REXO5: variants seen among roughly 807,000 people sequenced by gnomAD.
REXO5 encodes RNA exonuclease 5, also known as exonuclease NEF-sp.
In REXO5, 48 loss-of-function variants were observed where a neutral mutation model predicts 88.5. The ratio of observed to expected loss-of-function variants is 0.54; its 90% CI spans 0.43 to 0.69. The LOEUF is 0.69. Among genes scored for constraint, REXO5 ranks in the 30% least tolerant of loss-of-function variants. REXO5 has a pLI of 0.00. For synonymous variants in REXO5, 311 were observed against 336.5 expected (o/e 0.92, Z 0.83); for missense variants, 749 against 912.2 (o/e 0.82, Z 2.30).
chr16:20,827,874 T>G (rs2152505650), intron 10 of REXO5, among the ~76,000 whole-genome samples: 1 of 152,338 alleles, frequency 6.6e-6, no homozygotes, highest in Non-Finnish European at 1.5e-5. Flanking sequence ...AATATTTTGT[T>G]GTTCAGAAGA....
chr16:20,827,307 T>C (rs2081274385), intron 9 of REXO5, 46 bp from the exon 10 acceptor site: 10 of 1,601,388 alleles, frequency 6.2e-6, no homozygotes, highest in Non-Finnish European at 8.5e-6. Context: ...ACTTGTTTTT[T>C]CCTTTAGCAT....
chr16:20,823,465 A>C (rs2081216419), intron 6 of REXO5: 2 of 152,142 alleles, frequency 1.3e-5, no homozygotes, highest in Admixed American at 1.3e-4. Flanking sequence ...TTGAGGTTGC[A>C]CTACTGTCAC....
chr16:20,825,114 C>T (rs1041663670), intron 7 of REXO5, among the ~76,000 whole-genome samples: 1 of 152,108 alleles, frequency 6.6e-6, no homozygotes, highest in Non-Finnish European at 1.5e-5. Context: ...GTTGTTGCTG[C>T]CATGAGGACT....
chr16:20,842,546 C>T (rs1161475161), intron 15 of REXO5, among the ~76,000 whole-genome samples: 6 of 148,750 alleles, frequency 4.0e-5, no homozygotes, highest in Non-Finnish European at 7.4e-5. Flanking sequence ...GTGATCACAA[C>T]TAACTACAGC....
At chr16:20,822,938 C>CT (rs2081206618) in intron 6 of REXO5, among the ~76,000 whole-genome samples, 2 of 152,258 alleles carry the variant, frequency 1.3e-5, no homozygotes, top group East Asian at 3.9e-4. Context: ...TGTGACAACT[C>CT]TGTGTTTAAC....
Position 20,839,871 on chromosome 16 carries a change from G to T in REXO5, c.1488+12G>T, listed in dbSNP as rs377257110. ...AGATGAACAAAAGGGTAAGTGAATG[G>T]GTTCTGCTGAATGATTTATTTAGTG... On this transcript the variant is annotated intron_variant, in intron 14 of 19. Transcript: ENST00000261377. 1.3e-6 allele frequency: 2 copies of T among 1,507,984 alleles called. No individual in the cohort carries two copies. The highest frequency in any genetic ancestry group is 1.1e-5 in the South Asian group (1 of 87,630). 93.4% of individuals were successfully genotyped at this position (1,507,984 alleles called of 1,614,324 possible).
Position 20,849,458 on chromosome 16 carries a change from C to G in REXO5, c.2303C>G (p.Ala768Gly). Reference sequence around the variant, plus strand: ...GGAATAAAAGAGGAAGAAGAAAGCGCTGGCCCAGGCCTGTGTTCGTGAGTC... The same window carrying G: ...GGAATAAAAGAGGAAGAAGAAAGCGGTGGCCCAGGCCTGTGTTCGTGAGTC... ...LMGIKEEEES[A>G]GPGLCS Residue 768 changes from alanine (A) to glycine (G), a missense_variant, in exon 20 of 20, where the codon GCT becomes GGT. Physicochemically the swap from Ala to Gly is moderately conservative, Grantham distance 60. Coordinates refer to ENST00000261377, the MANE Select transcript of REXO5 (RefSeq NM_030941.3). 6.2e-7 allele frequency: 1 copy of G among 1,614,108 alleles called. No homozygotes were observed. Among genetic ancestry groups the G allele is most frequent in the Non-Finnish European group, 8.5e-7 (1 of 1,179,934 alleles).
At position 20,825,543 on chromosome 16, in the gene REXO5, G is replaced by A. The variant is rs368861446; in HGVS notation, c.706-290G>A. 202 of 258,718 alleles carry A rather than the reference G, an allele frequency of 7.8e-4. 5 individuals carry two copies. In the South Asian group the frequency reaches 0.024, roughly 31 times the overall value. 16.0% of individuals were successfully genotyped at this position (258,718 alleles called of 1,614,324 possible). A position where few individuals can be genotyped will look rare whatever the true frequency, so the allele number is the denominator to read the frequency against. On this transcript the variant is annotated intron_variant, in intron 7 of 19. Transcript: ENST00000261377. ...AAAAATTACCTATTAGTGGTATTTA[G>A]CATAATACTGGATATAGTACACACT...
At chr16:20,809,604 G>A (rs1285125084) in intron 2 of REXO5, among the ~76,000 whole-genome samples, 1 of 152,238 alleles carries the variant, frequency 6.6e-6, no homozygotes, top group African/African-American at 2.4e-5. Context: ...TATCACAGGA[G>A]TGATACTCTG....
At chr16:20,811,011 G>A (rs545109731) in intron 2 of REXO5, among the ~76,000 whole-genome samples, 1 of 152,266 alleles carries the variant, frequency 6.6e-6, no homozygotes, top group South Asian at 2.1e-4. Flanking sequence ...AATAGTTTCT[G>A]ACATCTGATG....
At chr16:20,833,723 T>TA (rs1225307488) in intron 13 of REXO5, among the ~76,000 whole-genome samples, 1 of 152,218 alleles carries the variant, frequency 6.6e-6, no homozygotes, top group East Asian at 1.9e-4. Flanking sequence ...TTCCTCTCTG[T>TA]ATGGCATTTC....
intron 5 of REXO5, among the ~76,000 whole-genome samples, chr16:20,820,512 T>TATATATATATATATA (rs2081153446): frequency 4.4e-5 from 2 of 45,700 alleles, no homozygotes; most frequent in African/African-American, 2.0e-4. Flanking sequence ...TTCTCTCTCT[T>TATATATATATATATA]TATATATATA....
chr16:20,848,875 T>G (rs988318011), intron 19 of REXO5, among the ~76,000 whole-genome samples: 12 of 152,256 alleles, frequency 7.9e-5, no homozygotes, highest in African/African-American at 2.9e-4. Context: ...CTAAGACTCT[T>G]TAACAGCAAC....
intron 11 of REXO5, among the ~76,000 whole-genome samples, chr16:20,829,921 T>G (rs1047583929): frequency 2.6e-5 from 4 of 152,236 alleles, no homozygotes; most frequent in African/African-American, 9.7e-5. Flanking sequence ...GATCATATTG[T>G]CTTTATTGCA....
rs1389790542 is a variant in REXO5 at position 20,807,014 on chromosome 16, G to A, written c.61G>A (p.Ala21Thr). Reference sequence around the variant, plus strand: ...CAGGAAGGTCAGGGAAAGCAGGCAGGCCCCAAATAAGCTGGTCGGGGCAGC... The same window carrying A: ...CAGGAAGGTCAGGGAAAGCAGGCAGACCCCAAATAAGCTGGTCGGGGCAGC... Reference protein sequence around the residue: ...HPRKVRESRQAPNKLVGAAEA... With the variant: ...HPRKVRESRQTPNKLVGAAEA... The change falls in exon 2 of 20, where the codon GCC (alanine) becomes ACC (threonine). Residue 21 changes from alanine (A) to threonine (T), a missense_variant. Ala to Thr is a moderately conservative substitution (Grantham distance 58). Transcript: ENST00000261377. The A allele has an allele frequency of 2.5e-6, 4 of 1,602,450 alleles. No individual in the cohort carries two copies. Among genetic ancestry groups the A allele is most frequent in the East Asian group, 2.2e-5 (1 of 44,516 alleles).
At position 20,807,109 on chromosome 16, in the gene REXO5, C is replaced by G; in HGVS notation, c.138+18C>G. 1.9e-6 allele frequency: 3 copies of G among 1,593,388 alleles called. No individual in the cohort carries two copies. The highest frequency in any genetic ancestry group is 2.6e-6 in the Non-Finnish European group (3 of 1,171,116). Reference sequence around the variant, plus strand: ...AGGCCAAGGTGAGCAACGGGGATCCCGAGCAGGCGGCCCTAGGCGGTTTGG... The same window carrying G: ...AGGCCAAGGTGAGCAACGGGGATCCGGAGCAGGCGGCCCTAGGCGGTTTGG... On this transcript the variant is annotated intron_variant, in intron 2 of 19. Coordinates refer to ENST00000261377, the MANE Select transcript of REXO5 (RefSeq NM_030941.3).
At chr16:20,849,210 T>C (rs563111621) in intron 19 of REXO5, among the ~76,000 whole-genome samples, 189 bp from the exon 20 acceptor site, 1 of 152,386 alleles carries the variant, frequency 6.6e-6, no homozygotes, top group South Asian at 2.1e-4. Context: ...GATTTGAATC[T>C]AGACCTCTGA....
At chr16:20,843,147 T>G (rs1261157282) in intron 15 of REXO5, among the ~76,000 whole-genome samples, 2 of 152,224 alleles carry the variant, frequency 1.3e-5, no homozygotes, top group African/African-American at 4.8e-5. Flanking sequence ...TCTATTCACT[T>G]GTTTGCCCTT....
chr16:20,807,853 C>T (rs1465084105), intron 2 of REXO5, among the ~76,000 whole-genome samples: 2 of 152,152 alleles, frequency 1.3e-5, no homozygotes, highest in African/African-American at 4.8e-5. Flanking sequence ...AGTTTACATT[C>T]CAGTAGGGCG....
Sources: gnomAD v4.1 joint callset for allele counts (sites outside exome capture counted in the v4.1 genomes callset) on GRCh38, gnomAD v4.1.1 for gene constraint, MANE v1.5 for transcripts, NCBI Gene and HGNC (gene_info 2026-07-23, HGNC 2026-07-21) for gene names.